Variants in CAMTA1 observed in about 807,000 individuals in gnomAD.
CAMTA1 encodes calmodulin binding transcription activator 1.
A neutral mutation model predicts 170.9 loss-of-function variants in CAMTA1; 27 were observed. That is an observed-to-expected ratio of 0.16 (90% confidence interval 0.12 to 0.22). CAMTA1 has a LOEUF of 0.22. CAMTA1 is among the 10% of genes least tolerant of loss of function. CAMTA1 has a pLI of 1.00. For missense variants in CAMTA1, 1,619 were observed against 2,217.2 expected (o/e 0.73, Z 5.42); for synonymous variants, 833 against 891.5 (o/e 0.93, Z 1.17).
In CAMTA1 at chr1:7,498,157, TGTGA is replaced by T. The variant is rs780379288; in HGVS notation, c.510+30260_510+30263del. Among the ~76,000 whole-genome samples, 95 of 148,408 alleles carry T rather than the reference TGTGA, an allele frequency of 6.4e-4. 1 individual carries two copies. Among genetic ancestry groups the T allele is most frequent in the South Asian group, 1.1e-3 (5 of 4,616 alleles). On this transcript the variant is annotated intron_variant, in intron 6 of 22. Transcript: ENST00000303635. ...TATGAGCAACAGGATACTGGAGATT[TGTGA>T]GTGTGTGTGCATGTGTGTGTATGAG...
chr1:7,503,166 C>T (rs1269672242), intron 6 of CAMTA1, among the ~76,000 whole-genome samples: 1 of 152,192 alleles, frequency 6.6e-6, no homozygotes, highest in African/African-American at 2.4e-5. Context: ...GCCCTAGAAG[C>T]CTTGGCTTTT....
At position 7,736,442 on chromosome 1, in the gene CAMTA1, G is replaced by A; in HGVS notation, c.3165G>A (p.Lys1055=). The A allele has an allele frequency of 1.2e-6, 2 of 1,614,138 alleles. No individual in the cohort carries two copies. Among genetic ancestry groups the A allele is most frequent in the South Asian group, 2.2e-5 (2 of 91,088 alleles). The change falls in exon 13 of 23, where the codon AAG becomes AAA. Residue 1055 remains lysine (K), a synonymous_variant. Transcript: ENST00000303635. This position sits in a 1 kb window ranked among gnomAD's most constrained non-coding sequence, Gnocchi z 4.5. ...GCCGAGCCTGCTGGGCGAAGTCCAA[G>A]CACTTGATCCACTCAAAGACTTTCC... The part of the protein sequence containing the change: ...MMSRACWAKS[K]HLIHSKTFRG...
intron 6 of CAMTA1, among the ~76,000 whole-genome samples, chr1:7,572,521 A>G (rs2150342613): frequency 6.6e-6 from 1 of 152,204 alleles, no homozygotes; most frequent in Middle Eastern, 3.4e-3. Context: ...TTTTTATATG[A>G]TATAAGGAAG....
At chr1:7,040,562 C>T (rs1352641838) in intron 3 of CAMTA1, among the ~76,000 whole-genome samples, 5 of 152,128 alleles carry the variant, frequency 3.3e-5, no homozygotes, top group Non-Finnish European at 7.4e-5. Context: ...CCCAAATGAG[C>T]TCTTGGCACT....
At chr1:7,045,790 G>GGCTT (rs1705287771) in intron 3 of CAMTA1, among the ~76,000 whole-genome samples, 1 of 152,316 alleles carries the variant, frequency 6.6e-6, no homozygotes, top group Non-Finnish European at 1.5e-5. Flanking sequence ...TGGCTGATAC[G>GGCTT]GGCTTGGAGT....
chr1:6,831,405 C>CA (rs930554070), intron 3 of CAMTA1, among the ~76,000 whole-genome samples: 4 of 152,188 alleles, frequency 2.6e-5, no homozygotes, highest in Non-Finnish European at 5.9e-5. Flanking sequence ...ATTATGCTAA[C>CA]ACAACTGTCT....
chr1:7,587,506 T>C (rs2095321353), intron 6 of CAMTA1, among the ~76,000 whole-genome samples: 1 of 152,138 alleles, frequency 6.6e-6, no homozygotes, highest in Admixed American at 6.5e-5. Context: ...CTTCCCTTTT[T>C]TCCCATTTTG....
At chr1:7,601,509 C>T (rs1280839825) in intron 6 of CAMTA1, among the ~76,000 whole-genome samples, 1 of 148,780 alleles carries the variant, frequency 6.7e-6, no homozygotes, top group Non-Finnish European at 1.5e-5. Context: ...GGCGGCCAGG[C>T]AGAGATGCTC....
chr1:7,013,241 G>A (rs1226323249), intron 3 of CAMTA1, among the ~76,000 whole-genome samples: 1 of 64,892 alleles, frequency 1.5e-5, no homozygotes, highest in Non-Finnish European at 2.9e-5. Context: ...TTGAGATAGA[G>A]TCTCGCCAGC....
chr1:6,915,599 G>A (rs1680607350), intron 3 of CAMTA1, among the ~76,000 whole-genome samples: 1 of 152,228 alleles, frequency 6.6e-6, no homozygotes, highest in African/African-American at 2.4e-5. Context: ...ACGTGGTCTA[G>A]AAGGAGAGGA....
chr1:7,299,489 G>C lies in CAMTA1; in HGVS notation c.438+49863G>C, dbSNP rs1674444403. 6.6e-6 allele frequency among the ~76,000 whole-genome samples: 1 copy of C among 152,184 alleles called. No individual in the cohort carries two copies. Among genetic ancestry groups the C allele is most frequent in the Non-Finnish European group, 1.5e-5 (1 of 68,030 alleles). ...ATTCTCCCACTTGTTTATAGTCTGG[G>C]CAATTTGCCTCCTGCTGCTGCATGA... On this transcript the variant is annotated intron_variant, in intron 5 of 22. Transcript: ENST00000303635. This position sits in a 1 kb window ranked among gnomAD's most constrained non-coding sequence, Gnocchi z 4.7.
At chr1:7,363,292 G>A (rs752213911) in intron 5 of CAMTA1, among the ~76,000 whole-genome samples, 1 of 152,084 alleles carries the variant, frequency 6.6e-6, no homozygotes, top group Non-Finnish European at 1.5e-5. Context: ...AAATTATTTT[G>A]TAACACATTG....
chr1:6,864,314 C>T (rs951199787), intron 3 of CAMTA1, among the ~76,000 whole-genome samples: 2 of 152,194 alleles, frequency 1.3e-5, no homozygotes, highest in African/African-American at 4.8e-5. Flanking sequence ...CCACAATTGC[C>T]TGTGCGCAGA....
intron 9 of CAMTA1, among the ~76,000 whole-genome samples, chr1:7,666,178 AAAAG>A (rs1017284350): frequency 5.9e-5 from 9 of 151,756 alleles, no homozygotes; most frequent in East Asian, 3.9e-4. Context: ...AAAAAAAAAA[AAAAG>A]AAAGAAAAAG....
At chr1:6,956,854 G>A (rs1689543079) in intron 3 of CAMTA1, among the ~76,000 whole-genome samples, 1 of 152,326 alleles carries the variant, frequency 6.6e-6, no homozygotes, top group Non-Finnish European at 1.5e-5. Context: ...TTGAGGTGTG[G>A]CTTTGTTTGA....
At chr1:7,162,634 G>A (rs1333194708) in intron 4 of CAMTA1, among the ~76,000 whole-genome samples, 1 of 152,198 alleles carries the variant, frequency 6.6e-6, no homozygotes, top group Non-Finnish European at 1.5e-5. Flanking sequence ...GCACTTATCA[G>A]TAAGTACTTT....
At chr1:7,305,827 G>A (rs538449013) in intron 5 of CAMTA1, among the ~76,000 whole-genome samples, 1 of 152,114 alleles carries the variant, frequency 6.6e-6, no homozygotes, top group East Asian at 1.9e-4. Context: ...TTTTGATTTT[G>A]TGTGTATTTT....
chr1:7,221,201 G>A (rs908306933), intron 4 of CAMTA1, among the ~76,000 whole-genome samples: 16 of 152,028 alleles, frequency 1.1e-4, no homozygotes, highest in African/African-American at 3.6e-4. Flanking sequence ...AGATGCTGGG[G>A]CCTTTTCCCC....
At position 7,601,138 on chromosome 1, in the gene CAMTA1, GGGGCGGCTGGCC is replaced by G; in HGVS notation, c.511-39257_511-39246del. On this transcript the variant is annotated intron_variant, in intron 6 of 22. Transcript: ENST00000303635. ...TGACCCCCCCACCTCCCTCCCGGACGGGGCGGCTGGCCGGGCAGGGGGCTGACCCCCACCTCC... is the reference window on the plus strand; with the variant it reads ...TGACCCCCCCACCTCCCTCCCGGACGGGGCAGGGGGCTGACCCCCACCTCC... 1.4e-5 allele frequency among the ~76,000 whole-genome samples: 2 copies of G among 146,170 alleles called. 1 individual carries two copies. Among genetic ancestry groups the G allele is most frequent in the Admixed American group, 1.3e-4 (2 of 14,866 alleles).
Sources: allele counts gnomAD v4.1 joint callset (sites outside exome capture counted in the v4.1 genomes callset), GRCh38; gene constraint gnomAD v4.1.1; non-coding constraint Gnocchi (gnomAD v3.1); transcripts MANE v1.5; gene names NCBI Gene and HGNC (gene_info 2026-07-23, HGNC 2026-07-21).